Variants in NUTM2B observed in about 807,000 individuals in gnomAD.
The protein encoded by NUTM2B is family with sequence similarity 22, member B.
In NUTM2B, 2 loss-of-function variants were observed where a neutral mutation model predicts 42.4. The ratio of observed to expected loss-of-function variants is 0.05; its 90% CI spans 0.02 to 0.15. NUTM2B has a LOEUF of 0.15. Ranked by LOEUF, NUTM2B falls within the 10% of genes least tolerant of loss-of-function variation. The pLI is 1.00. For synonymous variants in NUTM2B, 18 were observed against 402.4 expected (o/e 0.04, Z 11.43); for missense variants, 58 against 952.6 (o/e 0.06, Z 12.36).
chr10:79,709,599 G>A (rs1457985388), intron 3 of NUTM2B, among the ~76,000 whole-genome samples: 1 of 132,280 alleles, frequency 7.6e-6, no homozygotes, highest in Admixed American at 7.9e-5. Context: ...GATGCCATGG[G>A]CTCTGCAGGG....
At chr10:79,709,686 C>G in intron 3 of NUTM2B, 114 bp from the exon 4 acceptor site, 1 of 1,152,848 alleles carries the variant, frequency 8.7e-7, no homozygotes, top group Non-Finnish European at 1.1e-6. Flanking sequence ...ACAGTGAGGG[C>G]CTGGACAGCC....
chr10:79,700,746 C>T (rs382251), upstream of NUTM2B, among the ~76,000 whole-genome samples: 541 of 152,352 alleles, frequency 3.6e-3, 5 homozygotes, highest in African/African-American at 0.012. Context: ...CCGCCGCAAC[C>T]GGCGCTGGGA....
At chr10:79,701,523 T>A (rs1330220807), upstream of NUTM2B, among the ~76,000 whole-genome samples, 1 of 151,972 alleles carries the variant, frequency 6.6e-6, no homozygotes, top group Non-Finnish European at 1.5e-5. Context: ...TGTCTCCACG[T>A]GATAACACTG....
At chr10:79,702,517 C>A (rs1407053322), upstream of NUTM2B, among the ~76,000 whole-genome samples, 1 of 151,698 alleles carries the variant, frequency 6.6e-6, no homozygotes, top group Non-Finnish European at 1.5e-5. Context: ...AGTGTGGCCG[C>A]TGTTACATTT....
At chr10:79,694,281 C>T in the NUTM2B span, among the ~76,000 whole-genome samples, 1 of 151,974 alleles carries the variant, frequency 6.6e-6, no homozygotes, top group Non-Finnish European at 1.5e-5. Flanking sequence ...CCTGTAATCC[C>T]AGCTACTCTG....
upstream of NUTM2B, among the ~76,000 whole-genome samples, chr10:79,698,947 T>A (rs1564708451): frequency 6.6e-6 from 1 of 152,138 alleles, no homozygotes. Flanking sequence ...TAATCACACT[T>A]CCAAATGCTC....
At chr10:79,702,334 T>C (rs1840327014), upstream of NUTM2B, among the ~76,000 whole-genome samples, 1 of 151,608 alleles carries the variant, frequency 6.6e-6, no homozygotes, top group Non-Finnish European at 1.5e-5. Flanking sequence ...TGTGGAGACA[T>C]TTCACAGAAA....
upstream of NUTM2B, among the ~76,000 whole-genome samples, chr10:79,702,624 G>A (rs1391457766): frequency 1.3e-5 from 2 of 150,694 alleles, no homozygotes. Context: ...TTTGCAGTGT[G>A]CACCGGTCTG....
At position 79,708,821 on chromosome 10, in the gene NUTM2B, CG is replaced by C. The variant is rs1840438143; in HGVS notation, c.1207del (p.Glu403LysfsTer20). ...GACCGGATGATCTTCTACGAGATGG[CG>C]GAAAAGTGAGTCTGGGGTCCTGGGA... is the stretch of plus-strand genomic sequence containing the variant. On this transcript the variant is annotated frameshift_variant, in exon 3 of 7. Transcript: ENST00000429828. LOFTEE classifies it high-confidence loss of function. 1 of 1,361,036 alleles carries C rather than the reference CG, an allele frequency of 7.3e-7. No individual in the cohort carries two copies. Among genetic ancestry groups the C allele is most frequent in the Non-Finnish European group, 9.7e-7 (1 of 1,026,418 alleles). 84.3% of individuals were successfully genotyped at this position (1,361,036 alleles called of 1,614,324 possible).
upstream of NUTM2B, among the ~76,000 whole-genome samples, chr10:79,699,102 A>C (rs551006986): frequency 1.3e-5 from 2 of 151,732 alleles, no homozygotes; most frequent in South Asian, 4.2e-4. Context: ...CCTGAAAATA[A>C]TGAAAAGAAG....
At chr10:79,695,800 C>T in the NUTM2B span, among the ~76,000 whole-genome samples, 2 of 151,810 alleles carry the variant, frequency 1.3e-5, no homozygotes, top group African/African-American at 2.4e-5. Flanking sequence ...AAGTTCTGCT[C>T]TGCACAGTGT....
the NUTM2B span, among the ~76,000 whole-genome samples, chr10:79,695,378 G>A: frequency 6.6e-6 from 1 of 152,184 alleles, no homozygotes; most frequent in Admixed American, 6.5e-5. Flanking sequence ...ACCAGAGAAA[G>A]AAGAAAATGT....
At chr10:79,698,732 C>T (rs1282234058), upstream of NUTM2B, among the ~76,000 whole-genome samples, 1 of 137,520 alleles carries the variant, frequency 7.3e-6, no homozygotes, top group Middle Eastern at 3.5e-3. Flanking sequence ...ACCCTAATAA[C>T]CACTTACTGA....
exon 7 of NUTM2B, chr10:79,711,935 A>T: frequency 6.6e-7 from 1 of 1,525,644 alleles, no homozygotes; most frequent in Non-Finnish European, 8.8e-7. Flanking sequence ...AGGTCCGAAG[A>T]CTCTGTTGTG....
chr10:79,702,932 C>G (rs368297653), upstream of NUTM2B, among the ~76,000 whole-genome samples: 6,712 of 111,204 alleles, frequency 0.06, 61 homozygotes, highest in African/African-American at 0.11. Context: ...TGCGATGACA[C>G]TGGATTCCAA....
the NUTM2B span, among the ~76,000 whole-genome samples, chr10:79,696,748 G>C: frequency 0.26 from 39,529 of 152,170 alleles, 5,805 homozygotes; most frequent in East Asian, 0.69. Context: ...AGATGTTAAT[G>C]ATTCACCTGA....
At chr10:79,705,512 T>C (rs1448366912) in intron 1 of NUTM2B, among the ~76,000 whole-genome samples, 1 of 150,996 alleles carries the variant, frequency 6.6e-6, no homozygotes, top group African/African-American at 2.5e-5. Context: ...AAGATTTCCA[T>C]CCAGTGGTTT....
chr10:79,695,927 C>G, the NUTM2B span, among the ~76,000 whole-genome samples: 1 of 150,294 alleles, frequency 6.7e-6, no homozygotes, highest in Admixed American at 6.6e-5. Flanking sequence ...GGAGGAAAAG[C>G]AAGAAACTAC....
upstream of NUTM2B, among the ~76,000 whole-genome samples, chr10:79,700,579 G>C (rs2983789): frequency 6.6e-5 from 10 of 152,060 alleles, no homozygotes; most frequent in Non-Finnish European, 1.2e-4. Context: ...GTCGCCCCGT[G>C]GACACTGGTG....
Sources: allele counts gnomAD v4.1 joint callset (sites outside exome capture counted in the v4.1 genomes callset), GRCh38; gene constraint gnomAD v4.1.1; transcripts MANE v1.5; gene names NCBI Gene and HGNC (gene_info 2026-07-23, HGNC 2026-07-21).